Variants in CEP112 observed in about 807,000 individuals in gnomAD.
CEP112 encodes centrosomal protein 112, also known as centrosomal protein of 112 kDa.
A neutral mutation model predicts 153.0 loss-of-function variants in CEP112; 127 were observed. That is an observed-to-expected ratio of 0.83 (90% CI 0.72 to 0.96). CEP112 has a LOEUF of 0.96. Ranked by LOEUF, CEP112 falls within the 40% of genes least tolerant of loss-of-function variation. The probability of loss-of-function intolerance (pLI) is 0.00; values close to 1 mark genes in which losing one functional copy is unlikely to be tolerated. For missense variants in CEP112, 1,089 were observed against 1,101.2 expected, an observed-to-expected ratio of 0.99 and a Z score of 0.16; for synonymous variants, 358 against 374.4, an observed-to-expected ratio of 0.96 and a Z score of 0.51.
chr17:66,068,249 T>C (rs2067191516), intron 9 of CEP112, among the ~76,000 whole-genome samples: 1 of 152,070 alleles, frequency 6.6e-6, no homozygotes, highest in African/African-American at 2.4e-5. Context: ...CTGGGGTATA[T>C]TTCCCATACA....
Position 66,027,549 on chromosome 17 carries a change from A to G in CEP112, c.1608T>C (p.Asn536=). 1 of 1,293,416 alleles carries G rather than the reference A, an allele frequency of 7.7e-7. No individual in the cohort carries two copies. Among genetic ancestry groups the G allele is most frequent in the Non-Finnish European group, 1.0e-6 (1 of 964,908 alleles). 80.1% of individuals were successfully genotyped at this position (1,293,416 alleles called of 1,614,324 possible). A position where few individuals can be genotyped will look rare whatever the true frequency, so the allele number is the denominator to read the frequency against. The part of the protein sequence containing the change: ...QRKQQLRDQE[N]KFQMEKSHLK... ...AATGACTTTTCTCCATCTGAAACTT[A>G]TTTTCTTGATCCTGTGAATGATAAA... Residue 536 remains asparagine (N), a synonymous_variant, in exon 16 of 27, where the codon AAT becomes AAC. Transcript: ENST00000535342.
chr17:65,848,607 G>A (rs759995124), intron 21 of CEP112, among the ~76,000 whole-genome samples: 6 of 151,902 alleles, frequency 3.9e-5, no homozygotes, highest in Non-Finnish European at 7.4e-5. Flanking sequence ...CAAGGCCACT[G>A]GCCAGGCCTT....
At chr17:65,918,385 G>T (rs531092610) in intron 19 of CEP112, among the ~76,000 whole-genome samples, 51 of 152,160 alleles carry the variant, frequency 3.4e-4, no homozygotes, top group African/African-American at 1.2e-3. Context: ...TACTGTGTTT[G>T]CTAACAAAAT....
Position 65,868,422 on chromosome 17 carries a change from C to G in CEP112, c.2164-16388G>C, listed in dbSNP as rs191490853. On this transcript the variant is annotated intron_variant, in intron 20 of 26. Coordinates refer to ENST00000535342, the MANE Select transcript of CEP112 (RefSeq NM_001199165.4). ...GGCTGAGGCAGGAGAAACGCTTGAG[C>G]CCAGGAGATAAAGGTTGCAGCAAGC... Among the ~76,000 whole-genome samples, 108 of 151,754 alleles carry G rather than the reference C, an allele frequency of 7.1e-4. 1 individual carries two copies. Among genetic ancestry groups the G allele is most frequent in the African/African-American group, 2.4e-3 (100 of 41,332 alleles).
chr17:65,879,518 C>T (rs1340392795), intron 20 of CEP112, among the ~76,000 whole-genome samples: 1 of 152,122 alleles, frequency 6.6e-6, no homozygotes, highest in African/African-American at 2.4e-5. Context: ...CAATAGGAAA[C>T]TAATACCATT....
chr17:65,906,649 T>G (rs2060095231), intron 19 of CEP112, among the ~76,000 whole-genome samples: 1 of 152,170 alleles, frequency 6.6e-6, no homozygotes, highest in South Asian at 2.1e-4. Flanking sequence ...TTGGCAATAT[T>G]CAGAAAAAAT....
intron 23 of CEP112, among the ~76,000 whole-genome samples, chr17:65,692,731 T>C (rs1445965906): frequency 1.3e-5 from 2 of 152,100 alleles, no homozygotes; most frequent in Non-Finnish European, 2.9e-5. Flanking sequence ...ATCTAGTGTT[T>C]AAGAGAATTA....
At chr17:66,122,913 T>C (rs1341869426) in intron 6 of CEP112, among the ~76,000 whole-genome samples, 1 of 152,208 alleles carries the variant, frequency 6.6e-6, no homozygotes, top group Non-Finnish European at 1.5e-5. Flanking sequence ...GTCTCCTCTT[T>C]AAAAATCTCC....
At chr17:66,150,715 G>A (rs979670610) in intron 4 of CEP112, among the ~76,000 whole-genome samples, 9 of 152,310 alleles carry the variant, frequency 5.9e-5, no homozygotes, top group African/African-American at 1.9e-4. Context: ...GTAGTTCAGA[G>A]TATTCCTCAA....
At chr17:65,803,110 A>G (rs1232358284) in intron 21 of CEP112, among the ~76,000 whole-genome samples, 1 of 152,252 alleles carries the variant, frequency 6.6e-6, no homozygotes, top group Non-Finnish European at 1.5e-5. Context: ...TAGACAGACT[A>G]CATAGAGATA....
At chr17:65,990,023 A>C (rs912699190) in intron 17 of CEP112, among the ~76,000 whole-genome samples, 7 of 152,216 alleles carry the variant, frequency 4.6e-5, no homozygotes, top group Admixed American at 1.3e-4. Context: ...AAAAACCTAT[A>C]ATAGATTTAC....
intron 4 of CEP112, among the ~76,000 whole-genome samples, chr17:66,145,563 AC>A (rs2146641466): frequency 6.6e-6 from 1 of 152,182 alleles, no homozygotes. Context: ...TTCAGTTCTT[AC>A]AGCATAATTT....
chr17:65,879,749 T>C (rs1218638920), intron 20 of CEP112, among the ~76,000 whole-genome samples: 1 of 145,920 alleles, frequency 6.9e-6, no homozygotes, highest in Admixed American at 6.9e-5. Flanking sequence ...ATAGGAAAAG[T>C]ACAAACAGAT....
Position 65,937,669 on chromosome 17 carries a change from G to A in CEP112, c.1873-9980C>T, listed in dbSNP as rs1187870875. On this transcript the variant is annotated intron_variant, in intron 18 of 26. Transcript: ENST00000535342. ...CCGCCCTGTCCGGGAGGTGAGGGGC[G>A]CCTCTGCCCGGCCGCCCCTACTGGG... 1.0e-4 allele frequency among the ~76,000 whole-genome samples: 8 copies of A among 79,130 alleles called. 1 individual carries two copies. The highest frequency in any genetic ancestry group is 2.0e-3 in the East Asian group (1 of 502). 51.9% of individuals were successfully genotyped at this position (79,130 alleles called of 152,430 possible). A position where few individuals can be genotyped will look rare whatever the true frequency, so the allele number is the denominator to read the frequency against.
At chr17:66,070,684 C>T (rs2067279254) in intron 8 of CEP112, among the ~76,000 whole-genome samples, 1 of 151,960 alleles carries the variant, frequency 6.6e-6, no homozygotes, top group South Asian at 2.1e-4. Flanking sequence ...GAAGGGTATC[C>T]TAGAATTAAA....
At chr17:65,909,931 C>T (rs1407882053) in intron 19 of CEP112, among the ~76,000 whole-genome samples, 1 of 152,052 alleles carries the variant, frequency 6.6e-6, no homozygotes, top group Non-Finnish European at 1.5e-5. Context: ...ATTCACTTTT[C>T]CCCCTTCTGC....
rs543630144 is a variant in CEP112 at position 65,766,420 on chromosome 17, A to T, written c.2395-15696T>A. On this transcript the variant is annotated intron_variant, in intron 21 of 26. Coordinates refer to ENST00000535342, the MANE Select transcript of CEP112 (RefSeq NM_001199165.4). The stretch of plus-strand genomic sequence containing the variant: ...AAAAAATAAAGAAAAAAGAATAAAC[A>T]CCTAACACTATAGAAGATCACCAAA... Among the ~76,000 whole-genome samples, 7 of 150,140 alleles carry T rather than the reference A, an allele frequency of 4.7e-5. No homozygotes were observed. In the South Asian group the frequency reaches 1.5e-3, roughly 31 times the overall value.
chr17:66,183,256 G>T lies in CEP112; in HGVS notation c.44C>A (p.Ala15Glu). Residue 15 changes from alanine (A) to glutamate (E), a missense_variant, in exon 2 of 27, where the codon GCA becomes GAA. Ala to Glu is a moderately radical substitution (Grantham distance 107). Coordinates refer to ENST00000535342, the MANE Select transcript of CEP112 (RefSeq NM_001199165.4). ...SEEEKWEKLD[A>E]EFDHFVVDMK... ...ATCAACCACAAAGTGATCAAATTCT[G>T]CATCCAGCTTCTCCCATTTTTCTTC... The T allele has an allele frequency of 1.9e-6, 3 of 1,612,616 alleles. No homozygotes were observed. The highest frequency in any genetic ancestry group is 2.5e-6 in the Non-Finnish European group (3 of 1,179,376).
chr17:65,692,224 ATTTT>A (rs35586515), intron 23 of CEP112, among the ~76,000 whole-genome samples: 4 of 126,862 alleles, frequency 3.2e-5, no homozygotes, highest in South Asian at 4.9e-4. Context: ...CTGCACTGGA[ATTTT>A]TTTTTTTTTT....
Sources: allele counts gnomAD v4.1 joint callset (sites outside exome capture counted in the v4.1 genomes callset), GRCh38; gene constraint gnomAD v4.1.1; transcripts MANE v1.5; gene names NCBI Gene and HGNC (gene_info 2026-07-23, HGNC 2026-07-21).